HOXB3: variants seen among roughly 807,000 people sequenced by gnomAD.
The protein encoded by HOXB3 is homeobox B3.
Under a neutral mutation model 29.2 loss-of-function variants are expected in HOXB3, and 17 were observed. The ratio of observed to expected loss-of-function variants is 0.58; its 90% CI spans 0.40 to 0.87. The LOEUF is 0.87. Among genes scored for constraint, HOXB3 ranks in the 40% least tolerant of loss-of-function variants. HOXB3 has a pLI of 0.00. For synonymous variants in HOXB3, 317 were observed against 285.9 expected (o/e 1.11, Z -1.10); for missense variants, 637 against 616.3 (o/e 1.03, Z -0.35).
rs1365783028 is a variant in HOXB3 at position 48,554,898 on chromosome 17, T to A, written c.-159+633A>T. The A allele has an allele frequency of 1.4e-6, 1 of 689,746 alleles. No homozygotes were observed. The highest frequency in any genetic ancestry group is 1.8e-5 in the African/African-American group (1 of 56,596). The allele number at this position is 689,746 out of a possible 1,614,324, so 42.7% of individuals were successfully genotyped here. A position where few individuals can be genotyped will look rare whatever the true frequency, so the allele number is the denominator to read the frequency against. ...TGCTAAGGGGACCCAAGATCTGGGA[T>A]CCAGAACAAGAGGGGGTGGGGAACA... On this transcript the variant is annotated intron_variant, in intron 3 of 4. Coordinates refer to ENST00000498678, the MANE Select transcript of HOXB3 (RefSeq NM_001384749.1). The surrounding 1 kb of genome is among the most constrained non-coding windows in gnomAD (Gnocchi z 4.1).
chr17:48,584,832 C>T (rs1464674048), intron 1 of HOXB3, among the ~76,000 whole-genome samples: 1 of 152,140 alleles, frequency 6.6e-6, no homozygotes, highest in Non-Finnish European at 1.5e-5. Context: ...TTTCTGCTCC[C>T]CCACTTCTGC....
At chr17:48,576,713 G>C in intron 1 of HOXB3, 4 of 1,585,084 alleles carry the variant, frequency 2.5e-6, no homozygotes, top group Non-Finnish European at 2.6e-6. Flanking sequence ...GCTCCCGCGT[G>C]CGGGGGCACT....
chr17:48,582,812 C>G (rs1023418101), intron 1 of HOXB3, among the ~76,000 whole-genome samples: 17 of 152,184 alleles, frequency 1.1e-4, no homozygotes, highest in African/African-American at 4.1e-4. Context: ...TCGGCCACGC[C>G]CCTGTTTTGA....
chr17:48,577,548 C>A (rs919705314), intron 1 of HOXB3, among the ~76,000 whole-genome samples: 1 of 152,316 alleles, frequency 6.6e-6, no homozygotes, highest in East Asian at 1.9e-4. Flanking sequence ...CCTTCTCCTC[C>A]TCCACCTCCT....
At chr17:48,574,098 TC>T in intron 1 of HOXB3, 84 bp from the exon 2 acceptor site, 1 of 556,976 alleles carries the variant, frequency 1.8e-6, no homozygotes, top group Admixed American at 3.5e-5. Context: ...CTCACATTTT[TC>T]TTAGCTCTTG....
intron 4 of HOXB3, 186 bp from the exon 5 acceptor site, chr17:48,551,367 C>T: frequency 1.8e-6 from 1 of 559,358 alleles, no homozygotes; most frequent in East Asian, 4.4e-5. Flanking sequence ...CATTAGCGGA[C>T]ACTCTATAAT....
intron 1 of HOXB3, among the ~76,000 whole-genome samples, chr17:48,586,624 A>C (rs1322101224): frequency 6.6e-6 from 1 of 152,182 alleles, no homozygotes; most frequent in Admixed American, 6.5e-5. Flanking sequence ...TATATTGTTA[A>C]AATGGCGATT....
intron 1 of HOXB3, among the ~76,000 whole-genome samples, chr17:48,585,788 C>T (rs1001539805): frequency 5.3e-5 from 8 of 152,304 alleles, no homozygotes; most frequent in Middle Eastern, 3.4e-3. Flanking sequence ...ATAGGGTATC[C>T]TCTATCATGC....
intron 1 of HOXB3, chr17:48,577,849 G>C (rs746115572): frequency 6.4e-6 from 9 of 1,400,142 alleles, no homozygotes; most frequent in Middle Eastern, 1.9e-4. Context: ...GGGAAGGGGT[G>C]CCCACGCACT....
intron 2 of HOXB3, among the ~76,000 whole-genome samples, chr17:48,564,472 A>T (rs2069319196): frequency 7.0e-6 from 1 of 142,184 alleles, no homozygotes; most frequent in Admixed American, 7.0e-5. Context: ...CCAGGGCCCC[A>T]GGAGCGCGCG....
chr17:48,558,631 C>A (rs1378344662), intron 2 of HOXB3, among the ~76,000 whole-genome samples: 3 of 152,114 alleles, frequency 2.0e-5, no homozygotes, highest in Admixed American at 6.6e-5. Context: ...GGAACAGGCA[C>A]CCCTAAGGGC....
intron 1 of HOXB3, among the ~76,000 whole-genome samples, chr17:48,585,018 C>T (rs1021131671): frequency 6.7e-6 from 1 of 149,416 alleles, no homozygotes. Flanking sequence ...CCGGCAATAA[C>T]ACTGGCCTCA....
intron 2 of HOXB3, among the ~76,000 whole-genome samples, chr17:48,564,119 G>C (rs940850903): frequency 1.1e-4 from 17 of 148,536 alleles, no homozygotes; most frequent in African/African-American, 4.3e-4. Flanking sequence ...ATCCCGGCCT[G>C]TCCCAGGAGA....
At chr17:48,567,661 G>A (rs1800864527) in intron 2 of HOXB3, among the ~76,000 whole-genome samples, 1 of 152,066 alleles carries the variant, frequency 6.6e-6, no homozygotes, top group South Asian at 2.1e-4. Context: ...TTTTGGATGG[G>A]GACTTAGTTA....
intron 1 of HOXB3, chr17:48,576,699 C>G: frequency 8.1e-7 from 1 of 1,232,160 alleles, no homozygotes; most frequent in Non-Finnish European, 1.1e-6. Flanking sequence ...CCCCGAGGTT[C>G]GTGGCTCCCG....
chr17:48,571,005 C>T (rs770325280), intron 2 of HOXB3, among the ~76,000 whole-genome samples: 13 of 152,086 alleles, frequency 8.5e-5, no homozygotes, highest in African/African-American at 1.2e-4. Flanking sequence ...ATCTCTAAAA[C>T]GGAGAAATAA....
At chr17:48,578,648 A>C (rs763780281) in intron 1 of HOXB3, 13 of 308,644 alleles carry the variant, frequency 4.2e-5, no homozygotes, top group African/African-American at 7.0e-5. Flanking sequence ...CGAGAGAGAG[A>C]GCGCGCGCAG....
chr17:48,581,950 A>G (rs574421603), intron 1 of HOXB3: 9 of 152,384 alleles, frequency 5.9e-5, no homozygotes, highest in Admixed American at 2.6e-4. Flanking sequence ...ACCGCCCAGA[A>G]GGATACGAAC....
At position 48,573,998 on chromosome 17, in the gene HOXB3, C is replaced by G; in HGVS notation, c.-408G>C. 1 of 657,314 alleles carries G rather than the reference C, an allele frequency of 1.5e-6. No homozygotes were observed. Among genetic ancestry groups the G allele is most frequent in the Non-Finnish European group, 2.7e-6 (1 of 365,452 alleles). The allele number at this position is 657,314 out of a possible 1,614,324, so 40.7% of individuals were successfully genotyped here. A position where few individuals can be genotyped will look rare whatever the true frequency, so the allele number is the denominator to read the frequency against. ...GCTAACACTTTTTTCCCCCAACAGC[C>G]GGTCCAAGGAGATTTGCTGTTGAAT... On this transcript the variant is annotated 5_prime_UTR_variant, in exon 2 of 5. Transcript: ENST00000498678.
Sources: gnomAD v4.1 joint callset for allele counts (sites outside exome capture counted in the v4.1 genomes callset) on GRCh38, gnomAD v4.1.1 for gene constraint, Gnocchi (gnomAD v3.1) non-coding constraint, MANE v1.5 for transcripts, NCBI Gene and HGNC (gene_info 2026-07-23, HGNC 2026-07-21) for gene names.